PLXNA4: variants seen among roughly 807,000 people sequenced by gnomAD.
PLXNA4 encodes plexin-A4.
PLXNA4 carries 44 observed loss-of-function variants against 191.8 expected under a neutral mutation model. The ratio of observed to expected loss-of-function variants is 0.23; its 90% confidence interval spans 0.18 to 0.29. The LOEUF (loss-of-function observed/expected upper bound fraction) is 0.29. Among genes scored for constraint, PLXNA4 ranks in the 10% least tolerant of loss-of-function variants. PLXNA4 has a pLI of 1.00. For missense variants in PLXNA4, 1,800 were observed against 2,488.8 expected, an observed-to-expected ratio of 0.72 and a Z score of 5.89; for synonymous variants, 1,082 against 1,009.5, an observed-to-expected ratio of 1.07 and a Z score of -1.36.
At chr7:132,410,148 A>C (rs1794391706) in intron 3 of PLXNA4, among the ~76,000 whole-genome samples, 1 of 152,180 alleles carries the variant, frequency 6.6e-6, no homozygotes, top group African/African-American at 2.4e-5. Flanking sequence ...GGATGGCAAC[A>C]GTTTTGGGCA....
chr7:132,249,716 C>A (rs889707011), intron 4 of PLXNA4, among the ~76,000 whole-genome samples: 1 of 152,198 alleles, frequency 6.6e-6, no homozygotes, highest in Non-Finnish European at 1.5e-5. Flanking sequence ...GGGGCTGGAG[C>A]CTGCCCTCGG....
intron 2 of PLXNA4, among the ~76,000 whole-genome samples, chr7:132,607,660 A>G (rs1802952476): frequency 6.6e-6 from 1 of 152,234 alleles, no homozygotes; most frequent in Non-Finnish European, 1.5e-5. Context: ...AGAAGTGCCA[A>G]TCAAATCACT....
intron 4 of PLXNA4, among the ~76,000 whole-genome samples, chr7:132,294,485 T>A (rs1285849795): frequency 6.6e-6 from 1 of 152,132 alleles, no homozygotes; most frequent in East Asian, 1.9e-4. Context: ...AATGACACTA[T>A]CTAACTCAAA....
chr7:132,589,351 T>C (rs550992967), intron 2 of PLXNA4, among the ~76,000 whole-genome samples: 13 of 152,294 alleles, frequency 8.5e-5, no homozygotes, highest in African/African-American at 2.9e-4. Context: ...CTATATATTT[T>C]TATTAATATT....
At chr7:132,199,403 C>T (rs1331046363) in intron 12 of PLXNA4, among the ~76,000 whole-genome samples, 4 of 152,174 alleles carry the variant, frequency 2.6e-5, no homozygotes, top group African/African-American at 9.7e-5. Context: ...ATTTTACCCT[C>T]GTACACAGGT....
At chr7:132,528,757 G>A (rs1230533991) in intron 1 of PLXNA4, among the ~76,000 whole-genome samples, 1 of 152,266 alleles carries the variant, frequency 6.6e-6, no homozygotes, top group Non-Finnish European at 1.5e-5. Context: ...TGAACAGAGA[G>A]AAGGGAAGTG....
At chr7:132,321,005 C>T (rs909648007) in intron 3 of PLXNA4, among the ~76,000 whole-genome samples, 2 of 152,146 alleles carry the variant, frequency 1.3e-5, no homozygotes, top group East Asian at 1.9e-4. Context: ...TTCTGCCCTC[C>T]GGTTCCTGGC....
intron 10 of PLXNA4, among the ~76,000 whole-genome samples, chr7:132,207,566 C>A (rs1043856113): frequency 6.6e-6 from 1 of 152,234 alleles, no homozygotes; most frequent in Admixed American, 6.5e-5. Flanking sequence ...CTGGGGGCTG[C>A]AGCCATTGGC....
At chr7:132,332,141 T>C (rs1179117675) in intron 3 of PLXNA4, among the ~76,000 whole-genome samples, 1 of 152,242 alleles carries the variant, frequency 6.6e-6, no homozygotes, top group Non-Finnish European at 1.5e-5. Flanking sequence ...CTCTTTCCTC[T>C]GCCTTCTTGT....
At position 132,500,943 on chromosome 7, in the gene PLXNA4, C is replaced by T. The variant is rs139364196; in HGVS notation, c.1188+6563G>A. On this transcript the variant is annotated intron_variant, in intron 2 of 31. Coordinates refer to ENST00000321063, the MANE Select transcript of PLXNA4 (RefSeq NM_020911.2). Reference sequence around the variant, plus strand: ...AAGATCCTGACTCCTAGACCAGTAACCCGGCCAAGACGCCACCCTGTGAGG... The same window carrying T: ...AAGATCCTGACTCCTAGACCAGTAATCCGGCCAAGACGCCACCCTGTGAGG... Among the ~76,000 whole-genome samples the T allele has an allele frequency of 5.0e-3, 765 of 152,302 alleles. 2 individuals carry two copies. Among genetic ancestry groups the T allele is most frequent in the Admixed American group, 9.7e-3 (148 of 15,302 alleles).
At chr7:132,215,808 G>A (rs1285613738) in intron 9 of PLXNA4, among the ~76,000 whole-genome samples, 1 of 152,238 alleles carries the variant, frequency 6.6e-6, no homozygotes, top group East Asian at 1.9e-4. Flanking sequence ...GGTGTCCAGA[G>A]AGGACAAGGA....
At chr7:132,486,381 G>GA (rs59018294) in intron 3 of PLXNA4, among the ~76,000 whole-genome samples, 5,621 of 152,184 alleles carry the variant, frequency 0.037, 235 homozygotes, top group African/African-American at 0.096. Flanking sequence ...TATTGTTCAA[G>GA]AAAAAATAAA....
chr7:132,275,884 T>A (rs552664757), intron 4 of PLXNA4, among the ~76,000 whole-genome samples: 51 of 152,322 alleles, frequency 3.3e-4, no homozygotes, highest in Non-Finnish European at 7.2e-4. Flanking sequence ...ATATACCAAG[T>A]GCATCTTGCT....
chr7:132,582,045 TACA>T (rs1362885364), upstream of PLXNA4, among the ~76,000 whole-genome samples: 4 of 152,194 alleles, frequency 2.6e-5, no homozygotes, highest in Non-Finnish European at 5.9e-5. Context: ...CATGTCTTGC[TACA>T]ACAAGAAAGG....
intron 3 of PLXNA4, chr7:132,384,464 G>A: frequency 1.0e-6 from 1 of 985,706 alleles, no homozygotes; most frequent in Non-Finnish European, 1.2e-6. Flanking sequence ...CTGGATAGTG[G>A]CCATGCAGGA....
chr7:132,179,297 A>ATATG, intron 20 of PLXNA4, among the ~76,000 whole-genome samples: 1 of 148,250 alleles, frequency 6.7e-6, no homozygotes. Flanking sequence ...TAAATGGAAC[A>ATATG]CATACACATA....
At chr7:132,289,601 C>T (rs112607155) in intron 4 of PLXNA4, among the ~76,000 whole-genome samples, 5,556 of 151,916 alleles carry the variant, frequency 0.037, 116 homozygotes, top group African/African-American at 0.048. Context: ...GGCATGACCA[C>T]GGCTCATTGC....
At chr7:132,626,967 A>G (rs1803389149) in intron 2 of PLXNA4, among the ~76,000 whole-genome samples, 1 of 152,224 alleles carries the variant, frequency 6.6e-6, no homozygotes, top group African/African-American at 2.4e-5. Context: ...AAGGGCCTGC[A>G]TGCTGGAATC....
At chr7:132,630,054 G>C (rs986852386) in intron 2 of PLXNA4, among the ~76,000 whole-genome samples, 3 of 152,114 alleles carry the variant, frequency 2.0e-5, no homozygotes, top group African/African-American at 7.2e-5. Flanking sequence ...GTTCCACTGT[G>C]TTAGCCAGGA....
Sources: gnomAD v4.1 joint callset for allele counts (sites outside exome capture counted in the v4.1 genomes callset) on GRCh38, gnomAD v4.1.1 for gene constraint, MANE v1.5 for transcripts, NCBI Gene and HGNC (gene_info 2026-07-23, HGNC 2026-07-21) for gene names.